GPR3: variants seen among roughly 807,000 people sequenced by gnomAD.
The protein encoded by GPR3 is ACCA orphan receptor.
Under a neutral mutation model 18.2 loss-of-function variants are expected in GPR3, and 16 were observed. The ratio of observed to expected loss-of-function variants is 0.88; its 90% CI spans 0.60 to 1.34. The LOEUF is 1.34. Ranked by LOEUF, GPR3 falls within the 40% of genes most tolerant of loss-of-function variation. GPR3 has a pLI of 0.00. For missense variants in GPR3, 326 were observed against 427.6 expected, an observed-to-expected ratio of 0.76 and a Z score of 2.10; for synonymous variants, 183 against 188.9, an observed-to-expected ratio of 0.97 and a Z score of 0.26.
At chr1:27,393,426 G>A (rs892817049) in intron 1 of GPR3, among the ~76,000 whole-genome samples, 1 of 152,122 alleles carries the variant, frequency 6.6e-6, no homozygotes, top group Admixed American at 6.5e-5. Flanking sequence ...CCCTGATGGG[G>A]TAGATGTTTC....
rs757455063 is a variant in GPR3 at position 27,394,521 on chromosome 1, C to T, written c.723C>T (p.Ala241=). 1 of 1,614,192 alleles carries T rather than the reference C, an allele frequency of 6.2e-7. No individual in the cohort carries two copies. The highest frequency in any genetic ancestry group is 8.5e-7 in the Non-Finnish European group (1 of 1,180,038). ...RHLLPASHYV[A]TRKGIATLAV... is the part of the protein sequence containing the mutation. Reference sequence around the variant, plus strand: ...TGCTGCCTGCCTCCCACTATGTGGCCACCCGCAAGGGCATTGCCACACTGG... The same window carrying T: ...TGCTGCCTGCCTCCCACTATGTGGCTACCCGCAAGGGCATTGCCACACTGG... The change falls in exon 2 of 2, where the codon GCC becomes GCT. Residue 241 remains alanine, a synonymous_variant. Transcript: ENST00000374024.
chr1:27,394,166 G>A lies in GPR3; in HGVS notation c.368G>A (p.Ser123Asn), dbSNP rs1227125252. 1 of 1,613,798 alleles carries A rather than the reference G, an allele frequency of 6.2e-7. No individual in the cohort carries two copies. Residue 123 changes from serine (S) to asparagine (N), a missense_variant, in exon 2 of 2, where the codon AGC becomes AAC. Ser to Asn is a conservative substitution (Grantham distance 46, BLOSUM62 1). Transcript: ENST00000374024. Reference sequence around the variant, plus strand: ...GTGCTGGCAATGGCCTTTACCGCCAGCATCGGCAGTCTACTGGCCATCACT... The same window carrying A: ...GTGCTGGCAATGGCCTTTACCGCCAACATCGGCAGTCTACTGGCCATCACT... The part of the protein sequence containing the change: ...VGVLAMAFTA[S>N]IGSLLAITVD...
rs781444309 is a variant in GPR3, at chr1:27,394,742, G to A, written c.944G>A (p.Cys315Tyr). Residue 315 changes from cysteine to tyrosine, a missense_variant, in exon 2 of 2, where the codon TGT (cysteine) becomes TAT (tyrosine). Coordinates refer to ENST00000374024, the MANE Select transcript of GPR3 (RefSeq NM_005281.4). ...QKVLWAVCCC[C>Y]SSSKIPFRSR... is the part of the protein sequence containing the mutation. Reference sequence around the variant, plus strand: ...GTGCTGTGGGCTGTCTGCTGCTGCTGTTCCTCTTCCAAGATCCCCTTCCGA... The same window carrying A: ...GTGCTGTGGGCTGTCTGCTGCTGCTATTCCTCTTCCAAGATCCCCTTCCGA... 4.3e-6 allele frequency: 7 copies of A among 1,614,000 alleles called. No individual in the cohort carries two copies. The South Asian group carries it at 5.5e-5, about 13-fold the overall frequency.
Position 27,394,489 on chromosome 1 carries a change from C to A in GPR3, c.691C>A (p.Arg231=). 6.2e-7 allele frequency: 1 copy of A among 1,614,120 alleles called. No individual in the cohort carries two copies. The highest frequency in any genetic ancestry group is 8.5e-7 in the Non-Finnish European group (1 of 1,180,032). Residue 231 remains arginine (R), a synonymous_variant, in exon 2 of 2, where the codon CGG becomes AGG. Transcript: ENST00000374024. ...CRHAQQIALQ[R]HLLPASHYVA... is the part of the protein sequence containing the mutation. Reference sequence around the variant, plus strand: ...CCATGCCCAGCAGATTGCCCTTCAGCGGCACCTGCTGCCTGCCTCCCACTA... The same window carrying A: ...CCATGCCCAGCAGATTGCCCTTCAGAGGCACCTGCTGCCTGCCTCCCACTA...
Sources: allele counts gnomAD v4.1 joint callset (sites outside exome capture counted in the v4.1 genomes callset), GRCh38; gene constraint gnomAD v4.1.1; transcripts MANE v1.5; gene names NCBI Gene and HGNC (gene_info 2026-07-23, HGNC 2026-07-21).